FSTL5: variants seen among roughly 807,000 people sequenced by gnomAD.
The protein encoded by FSTL5 is follistatin-related protein 5.
In FSTL5, 62 loss-of-function variants were observed where a neutral mutation model predicts 89.1. The observed-to-expected ratio is 0.70, with a 90% CI of 0.57 to 0.86. The LOEUF (loss-of-function observed/expected upper bound fraction) is 0.86, where lower values mean the gene tolerates loss of function less well. Among genes scored for constraint, FSTL5 ranks in the 40% least tolerant of loss-of-function variants. The pLI is 0.00. For missense variants in FSTL5, 1,057 were observed against 1,001.6 expected, an observed-to-expected ratio of 1.06 and a Z score of -0.75; for synonymous variants, 383 against 346.2, an observed-to-expected ratio of 1.11 and a Z score of -1.18.
rs73862331 is a variant in FSTL5, at chr4:161,599,732, A to G, written c.895-12157T>C. 6.0e-3 allele frequency among the ~76,000 whole-genome samples: 916 copies of G among 152,134 alleles called. 7 individuals are homozygous for G. The highest frequency in any genetic ancestry group is 0.021 in the African/African-American group (871 of 41,528). ...CTTTGCAATGTGTGTATATGGCCAT[A>G]TATTTCTGTAAAATTTGCAAATATA... On this transcript the variant is annotated intron_variant, in intron 7 of 15. Coordinates refer to ENST00000306100, the MANE Select transcript of FSTL5 (RefSeq NM_020116.5).
intron 4 of FSTL5, among the ~76,000 whole-genome samples, chr4:161,794,758 T>G (rs1729579645): frequency 6.6e-6 from 1 of 152,204 alleles, no homozygotes; most frequent in Non-Finnish European, 1.5e-5. Flanking sequence ...TATGATTCAT[T>G]TATCTATTAC....
At chr4:162,046,781 T>A (rs2111243685) in intron 2 of FSTL5, among the ~76,000 whole-genome samples, 1 of 152,248 alleles carries the variant, frequency 6.6e-6, no homozygotes, top group Admixed American at 6.5e-5. Context: ...AACTAGTGAA[T>A]TTGTATGATT....
At position 161,800,672 on chromosome 4, in the gene FSTL5, T is replaced by C. The variant is rs1048842446; in HGVS notation, c.410-24598A>G. Among the ~76,000 whole-genome samples, 47 of 151,714 alleles carry C rather than the reference T, an allele frequency of 3.1e-4. 1 individual carries two copies. The highest frequency in any genetic ancestry group is 1.3e-3 in the Admixed American group (20 of 15,208). On this transcript the variant is annotated intron_variant, in intron 4 of 15. Transcript: ENST00000306100. ...CCCCTTCTAAGTGACTGAAACGTAATTGGAAATGTAGAAATTTCATTTCTA... is the reference window on the plus strand; with the variant it reads ...CCCCTTCTAAGTGACTGAAACGTAACTGGAAATGTAGAAATTTCATTTCTA...
At chr4:161,469,209 A>G (rs1351704365) in intron 13 of FSTL5, among the ~76,000 whole-genome samples, 1 of 152,182 alleles carries the variant, frequency 6.6e-6, no homozygotes, top group Admixed American at 6.5e-5. Context: ...TTCACTTATC[A>G]TAATGTCCTC....
At chr4:161,733,533 T>C (rs1739687617) in intron 6 of FSTL5, among the ~76,000 whole-genome samples, 1 of 152,030 alleles carries the variant, frequency 6.6e-6, no homozygotes, top group African/African-American at 2.4e-5. Flanking sequence ...GTAGAACTTT[T>C]TGTAGTGTTG....
In FSTL5 at chr4:161,901,053, A is replaced by C. The variant is rs188179185; in HGVS notation, c.409+19351T>G. Among the ~76,000 whole-genome samples the C allele has an allele frequency of 4.4e-3, 677 of 152,204 alleles. 1 individual carries two copies. The highest frequency in any genetic ancestry group is 7.0e-3 in the Non-Finnish European group (476 of 68,010). The stretch of plus-strand genomic sequence containing the variant: ...TATTGTCAAATTTTAAGATATTTTA[A>C]TAGACTTTTCAACTTTTGTTTATTC... On this transcript the variant is annotated intron_variant, in intron 4 of 15. Transcript: ENST00000306100.
chr4:161,853,348 A>C (rs1482117244), intron 4 of FSTL5, among the ~76,000 whole-genome samples: 1 of 149,928 alleles, frequency 6.7e-6, no homozygotes. Flanking sequence ...GCTCACTGCA[A>C]CCTCCGCTTC....
At chr4:161,573,928 G>A (rs1367575150) in intron 8 of FSTL5, among the ~76,000 whole-genome samples, 2 of 152,102 alleles carry the variant, frequency 1.3e-5, no homozygotes, top group Admixed American at 1.3e-4. Flanking sequence ...CTGAACTAAA[G>A]TCAAGGTGTG....
chr4:161,794,889 ATAT>A (rs1360680394), intron 4 of FSTL5, among the ~76,000 whole-genome samples: 1 of 152,110 alleles, frequency 6.6e-6, no homozygotes, highest in African/African-American at 2.4e-5. Context: ...TCATCTATTT[ATAT>A]TATTATACTC....
intron 4 of FSTL5, among the ~76,000 whole-genome samples, chr4:161,896,164 C>G (rs1733150906): frequency 6.6e-6 from 1 of 152,072 alleles, no homozygotes; most frequent in Non-Finnish European, 1.5e-5. Flanking sequence ...AAAACGACTG[C>G]CAATAACTAC....
At chr4:162,034,534 G>C (rs868473365) in intron 2 of FSTL5, among the ~76,000 whole-genome samples, 1 of 152,154 alleles carries the variant, frequency 6.6e-6, no homozygotes, top group East Asian at 1.9e-4. Context: ...CTCCTTATTA[G>C]TTACCGGGCA....
intron 4 of FSTL5, among the ~76,000 whole-genome samples, chr4:161,882,014 G>A (rs1037505455): frequency 3.9e-5 from 6 of 152,066 alleles, no homozygotes; most frequent in Admixed American, 2.6e-4. Context: ...AAAGAGGTCA[G>A]ACTGTTTCCT....
intron 6 of FSTL5, among the ~76,000 whole-genome samples, chr4:161,658,542 A>G (rs752303691): frequency 3.3e-5 from 5 of 152,190 alleles, no homozygotes; most frequent in Non-Finnish European, 5.9e-5. Flanking sequence ...TCTCTGTTAT[A>G]TATCACATAT....
chr4:162,043,410 T>C (rs1473869514), intron 2 of FSTL5: 1 of 152,166 alleles, frequency 6.6e-6, no homozygotes, highest in Non-Finnish European at 1.5e-5. Context: ...AAAATCAATG[T>C]GCATACTTTA....
At position 161,385,788 on chromosome 4, in the gene FSTL5, C is replaced by A. The variant is rs755793404; in HGVS notation, c.2503G>T (p.Val835Phe). The change falls in exon 16 of 16, where the codon GTT becomes TTT. Residue 835 changes from valine to phenylalanine, a missense_variant. Val to Phe is a conservative substitution (Grantham distance 50). Around this residue, in one of 3 missense-constraint regions of FSTL5, gnomAD observed 68 missense variants for 73.3 expected, o/e 0.93. Coordinates refer to ENST00000306100, the MANE Select transcript of FSTL5 (RefSeq NM_020116.5). The part of the protein sequence containing the change: ...LNKLNCEITE[V>F]EKGNTVIWVG... ...CAAATGACTGTATTTCCTTTTTCAA[C>A]TTCAGTGATCTCACAGTTTAATTTA... 5.0e-6 allele frequency: 8 copies of A among 1,606,872 alleles called. No individual in the cohort carries two copies. The African/African-American group carries it at 1.1e-4, about 22-fold the overall frequency.
chr4:161,597,921 G>A (rs990491350), intron 7 of FSTL5, among the ~76,000 whole-genome samples: 1 of 152,070 alleles, frequency 6.6e-6, no homozygotes, highest in South Asian at 2.1e-4. Context: ...TACAACATAC[G>A]ACATGAACAA....
At chr4:161,749,066 A>G (rs1330219394) in intron 6 of FSTL5, among the ~76,000 whole-genome samples, 1 of 152,188 alleles carries the variant, frequency 6.6e-6, no homozygotes, top group Non-Finnish European at 1.5e-5. Context: ...ACACTTATAC[A>G]GTGTTGGTGG....
chr4:161,684,803 A>C (rs948213984), intron 6 of FSTL5, among the ~76,000 whole-genome samples: 6 of 151,902 alleles, frequency 3.9e-5, no homozygotes, highest in Admixed American at 3.3e-4. Context: ...TTTTTATTGC[A>C]TTTGCTTGGT....
chr4:161,676,445 T>C (rs1428024966), intron 6 of FSTL5, among the ~76,000 whole-genome samples: 2 of 151,432 alleles, frequency 1.3e-5, no homozygotes, highest in African/African-American at 2.4e-5. Flanking sequence ...TAAGTGGGAG[T>C]TGAACAATGA....
Sources: allele counts gnomAD v4.1 joint callset (sites outside exome capture counted in the v4.1 genomes callset), GRCh38; gene constraint gnomAD v4.1.1; regional missense constraint gnomAD v4.1.1; transcripts MANE v1.5; gene names NCBI Gene and HGNC (gene_info 2026-07-23, HGNC 2026-07-21).